Variants in GRID2 observed in about 807,000 individuals in gnomAD.
GRID2 encodes the protein glutamate ionotropic receptor delta type subunit 2, also known as glutamate receptor ionotropic, delta-2.
In GRID2, 33 loss-of-function variants were observed where a neutral mutation model predicts 114.8. The ratio of observed to expected loss-of-function variants is 0.29; its 90% confidence interval spans 0.22 to 0.38. The LOEUF (loss-of-function observed/expected upper bound fraction) is 0.38. GRID2 is among the 10% of genes least tolerant of loss of function. The pLI, the probability that GRID2 is intolerant of heterozygous loss-of-function variation, is 1.00. For synonymous variants in GRID2, 505 were observed against 449.9 expected (o/e 1.12, Z -1.55); for missense variants, 1,184 against 1,257.7 (o/e 0.94, Z 0.89).
At chr4:92,919,011 T>C (rs777420633) in intron 2 of GRID2, among the ~76,000 whole-genome samples, 52 of 152,344 alleles carry the variant, frequency 3.4e-4, no homozygotes, top group Middle Eastern at 3.4e-3. Context: ...AGCTATTAAT[T>C]ATTGCCTCAA....
intron 4 of GRID2, among the ~76,000 whole-genome samples, chr4:93,163,396 A>ATATATATATG (rs1553999494): frequency 7.2e-5 from 3 of 41,852 alleles, no homozygotes; most frequent in African/African-American, 2.7e-4. Context: ...ATATATATAT[A>ATATATATATG]TATACACTAT....
intron 2 of GRID2, among the ~76,000 whole-genome samples, chr4:92,899,948 G>A (rs1352701083): frequency 6.6e-6 from 1 of 152,122 alleles, no homozygotes; most frequent in African/African-American, 2.4e-5. Flanking sequence ...AAGGAGGTGA[G>A]GGAATGGTCA....
At chr4:92,492,862 C>T (rs1723207430) in intron 1 of GRID2, among the ~76,000 whole-genome samples, 1 of 152,078 alleles carries the variant, frequency 6.6e-6, no homozygotes, top group Non-Finnish European at 1.5e-5. Context: ...GGCGCAGTGG[C>T]TCATGCCTCT....
chr4:92,641,398 G>A (rs1390380444), intron 2 of GRID2, among the ~76,000 whole-genome samples: 1 of 151,166 alleles, frequency 6.6e-6, no homozygotes, highest in Non-Finnish European at 1.5e-5. Context: ...AATCCTCTGT[G>A]TCTCTGGGAC....
chr4:92,713,526 A>G (rs2149311900), intron 2 of GRID2, among the ~76,000 whole-genome samples: 1 of 117,754 alleles, frequency 8.5e-6, no homozygotes, highest in South Asian at 3.2e-4. Context: ...TATTACCAAA[A>G]TTAGGTCTTG....
At chr4:93,196,754 G>A (rs1368472334) in intron 4 of GRID2, among the ~76,000 whole-genome samples, 5 of 152,100 alleles carry the variant, frequency 3.3e-5, no homozygotes, top group South Asian at 2.1e-4. Flanking sequence ...TCTAAGAATC[G>A]TCGTCCAATT....
chr4:92,841,518 G>A (rs1432361787), intron 2 of GRID2, among the ~76,000 whole-genome samples: 1 of 151,896 alleles, frequency 6.6e-6, no homozygotes, highest in East Asian at 1.9e-4. Context: ...TTTAGATGAT[G>A]ATTAGTTTAT....
rs1731544674 is a variant in GRID2 at position 93,532,466 on chromosome 4, G to A, written c.2193+17055G>A. 6.6e-5 allele frequency among the ~76,000 whole-genome samples: 10 copies of A among 152,244 alleles called. No individual in the cohort carries two copies. In the South Asian group the frequency reaches 2.1e-3, roughly 32 times the overall value. ...TATGTAAATGTGATGGAAGGTTTCTGCCTCAAATTATACTGTCAGAAATAT... is the reference window on the plus strand; with the variant it reads ...TATGTAAATGTGATGGAAGGTTTCTACCTCAAATTATACTGTCAGAAATAT... On this transcript the variant is annotated intron_variant, in intron 13 of 15. Coordinates refer to ENST00000282020, the MANE Select transcript of GRID2 (RefSeq NM_001510.4).
At chr4:92,978,235 C>A (rs77677664) in intron 2 of GRID2, among the ~76,000 whole-genome samples, 2,560 of 152,136 alleles carry the variant, frequency 0.017, 79 homozygotes, top group African/African-American at 0.058. Flanking sequence ...TGTCCTAGAA[C>A]AATTATTAAA....
Position 93,284,271 on chromosome 4 carries a change from T to C in GRID2, c.1245+45781T>C, listed in dbSNP as rs955321735. On this transcript the variant is annotated intron_variant, in intron 8 of 15. Transcript: ENST00000282020. ...CATTTCTTTAAATATAAATTGAAAATATTAGAAGAGCTAGATCCAACCACT... is the reference window on the plus strand; with the variant it reads ...CATTTCTTTAAATATAAATTGAAAACATTAGAAGAGCTAGATCCAACCACT... Among the ~76,000 whole-genome samples, 57 of 151,918 alleles carry C rather than the reference T, an allele frequency of 3.8e-4. 1 individual carries two copies. The highest frequency in any genetic ancestry group is 2.1e-4 in the Non-Finnish European group (14 of 67,954).
chr4:93,694,230 A>G (rs1054003411), intron 14 of GRID2, among the ~76,000 whole-genome samples: 16 of 152,116 alleles, frequency 1.1e-4, no homozygotes, highest in Non-Finnish European at 2.1e-4. Flanking sequence ...TCTCCCAAAC[A>G]CTGCTATGGC....
intron 2 of GRID2, among the ~76,000 whole-genome samples, chr4:92,801,537 TA>T (rs1446638415): frequency 6.6e-6 from 1 of 151,970 alleles, no homozygotes; most frequent in African/African-American, 2.4e-5. Context: ...TTATAGCATA[TA>T]GATTTCTTTG....
At chr4:93,347,390 C>T (rs1760347651) in intron 8 of GRID2, among the ~76,000 whole-genome samples, 1 of 151,658 alleles carries the variant, frequency 6.6e-6, no homozygotes, top group African/African-American at 2.4e-5. Context: ...TTTATTACAC[C>T]TTTTAAAGTT....
chr4:92,374,647 G>A (rs1412381275), intron 1 of GRID2, among the ~76,000 whole-genome samples: 1 of 152,152 alleles, frequency 6.6e-6, no homozygotes, highest in African/African-American at 2.4e-5. Context: ...ATGAATAGAT[G>A]AGGAATAATT....
chr4:93,237,898 A>G (rs1746989249), intron 7 of GRID2, among the ~76,000 whole-genome samples: 1 of 151,892 alleles, frequency 6.6e-6, no homozygotes, highest in South Asian at 2.1e-4. Flanking sequence ...CTAATAATCT[A>G]GAAACCATGG....
intron 2 of GRID2, among the ~76,000 whole-genome samples, chr4:93,043,752 G>T (rs1471440800): frequency 2.0e-5 from 3 of 151,850 alleles, no homozygotes; most frequent in Admixed American, 6.6e-5. Flanking sequence ...ATCAAACACC[G>T]GGGCCTGTCG....
intron 11 of GRID2, among the ~76,000 whole-genome samples, chr4:93,473,291 C>G (rs1308769059): frequency 6.6e-6 from 1 of 152,100 alleles, no homozygotes; most frequent in Non-Finnish European, 1.5e-5. Flanking sequence ...TATGCAGCTT[C>G]TGAGTTAAAT....
chr4:93,059,392 G>A (rs1444598238), intron 2 of GRID2, among the ~76,000 whole-genome samples: 1 of 152,044 alleles, frequency 6.6e-6, no homozygotes, highest in Non-Finnish European at 1.5e-5. Context: ...CTTCTTTGTT[G>A]TGTGGGCATC....
At chr4:93,509,429 G>T (rs1431417094) in intron 12 of GRID2, among the ~76,000 whole-genome samples, 3 of 152,228 alleles carry the variant, frequency 2.0e-5, no homozygotes, top group East Asian at 3.9e-4. Flanking sequence ...AATCATAATA[G>T]AGAACAAAGT....
Sources: gnomAD v4.1 joint callset for allele counts (sites outside exome capture counted in the v4.1 genomes callset) on GRCh38, gnomAD v4.1.1 for gene constraint, MANE v1.5 for transcripts, NCBI Gene and HGNC (gene_info 2026-07-23, HGNC 2026-07-21) for gene names.